Variants in TP53BP2 observed in about 807,000 individuals in gnomAD.
The protein encoded by TP53BP2 is apoptosis-stimulating of p53 protein 2.
TP53BP2 carries 62 observed loss-of-function variants against 126.2 expected under a neutral mutation model. That is an observed-to-expected ratio of 0.49 (90% CI 0.40 to 0.61). TP53BP2 has a LOEUF of 0.61. Among genes scored for constraint, TP53BP2 ranks in the 20% least tolerant of loss-of-function variants. TP53BP2 has a pLI of 0.00. For missense variants in TP53BP2, 1,215 were observed against 1,402.8 expected (o/e 0.87, Z 2.14); for synonymous variants, 485 against 502.9 (o/e 0.96, Z 0.48).
chr1:223,821,374 A>C lies in TP53BP2; in HGVS notation c.28-7T>G. The C allele has an allele frequency of 6.2e-7, 1 of 1,614,044 alleles. No individual in the cohort carries two copies. Among genetic ancestry groups the C allele is most frequent in the Non-Finnish European group, 8.5e-7 (1 of 1,179,876 alleles). On this transcript the variant is annotated splice_region_variant and splice_polypyrimidine_tract_variant and intron_variant, in intron 1 of 17. Transcript: ENST00000343537. ...GATACACGGTAAGAAACATCTAAAA[A>C]TTAAGAGAGAAACACATGGTTACTG...
At position 223,800,829 on chromosome 1, in the gene TP53BP2, G is replaced by A. The variant is rs770975973; in HGVS notation, c.1226-19C>T. The A allele has an allele frequency of 7.1e-5, 110 of 1,547,456 alleles. No homozygotes were observed. The highest frequency in any genetic ancestry group is 9.4e-5 in the Non-Finnish European group (106 of 1,131,896). On this transcript the variant is annotated intron_variant, in intron 9 of 17. Transcript: ENST00000343537. ...TTAGAGCCTAAAATACAGAAAAGCA[G>A]CTACAAATAACTCAGCATTCTAAAG...
chr1:223,806,049 G>A (rs2102857204), intron 5 of TP53BP2, among the ~76,000 whole-genome samples: 2 of 152,234 alleles, frequency 1.3e-5, no homozygotes, highest in Middle Eastern at 3.4e-3. Flanking sequence ...CTTGTTCAAG[G>A]CCAGGACTAG....
rs1662561162 is a variant in TP53BP2 at position 223,802,451 on chromosome 1, A to T, written c.997-107T>A. The T allele has an allele frequency of 4.3e-6, 5 of 1,163,342 alleles. No homozygotes were observed. In the Admixed American group the frequency reaches 1.3e-4, roughly 31 times the overall value. The allele number at this position is 1,163,342 out of a possible 1,614,324, so 72.1% of individuals were successfully genotyped here. Reference sequence around the variant, plus strand: ...TACTTTTTAAAATGAGCAGTTTCAGAATCTAGCCATAGAGTCTACAAAAAA... The same window carrying T: ...TACTTTTTAAAATGAGCAGTTTCAGTATCTAGCCATAGAGTCTACAAAAAA... On this transcript the variant is annotated intron_variant, in intron 8 of 17. Transcript: ENST00000343537.
intron 8 of TP53BP2, 107 bp downstream of exon 8, chr1:223,802,624 G>T: frequency 7.5e-7 from 1 of 1,337,970 alleles, no homozygotes; most frequent in African/African-American, 1.5e-5. Context: ...TCTGTTTTCT[G>T]AGGGCACACT....
intron 1 of TP53BP2, among the ~76,000 whole-genome samples, chr1:223,825,573 TGA>T (rs1162230483): frequency 2.0e-4 from 30 of 152,208 alleles, no homozygotes; most frequent in Admixed American, 1.8e-3. Context: ...TACTCTCAAA[TGA>T]GAGAGTGTGT....
intron 2 of TP53BP2, 140 bp downstream of exon 2, chr1:223,821,080 C>A: frequency 9.4e-7 from 1 of 1,061,358 alleles, no homozygotes; most frequent in Non-Finnish European, 1.4e-6. Flanking sequence ...AAAGCTGGAT[C>A]AGGAACACTA....
intron 1 of TP53BP2, among the ~76,000 whole-genome samples, chr1:223,837,922 C>T (rs142455532): frequency 0.012 from 1,853 of 151,994 alleles, 29 homozygotes; most frequent in Non-Finnish European, 0.016. Flanking sequence ...AGCCCTGCCC[C>T]GCCCCCGCCG....
At position 223,819,756 on chromosome 1, in the gene TP53BP2, A is replaced by G. The variant is rs537858573; in HGVS notation, c.175+1464T>C. Among the ~76,000 whole-genome samples the G allele has an allele frequency of 6.6e-5, 10 of 152,286 alleles. No individual in the cohort carries two copies. In the South Asian group the frequency reaches 2.1e-3, roughly 32 times the overall value. On this transcript the variant is annotated intron_variant, in intron 2 of 17. Transcript: ENST00000343537. ...CAATTATCTCAGTAAAGAATAAAGC[A>G]AGGTAATTTGCTAAATGCAAGGAGG...
chr1:223,813,086 G>A (rs1044720166), intron 3 of TP53BP2, among the ~76,000 whole-genome samples: 1 of 152,162 alleles, frequency 6.6e-6, no homozygotes, highest in African/African-American at 2.4e-5. Context: ...TGTGTCCCCA[G>A]TGTCTACTGC....
At position 223,790,036 on chromosome 1, in the gene TP53BP2, C is replaced by A. The variant is rs564474961; in HGVS notation, c.2997-862G>T. ...CAGTGGCTCCCAGCACTTTGGGAGG[C>A]CGAGGCGGGCAGATCACCTGAGGTC... On this transcript the variant is annotated intron_variant, in intron 15 of 17. Coordinates refer to ENST00000343537, the MANE Select transcript of TP53BP2 (RefSeq NM_001031685.3). 1.4e-4 allele frequency among the ~76,000 whole-genome samples: 22 copies of A among 152,002 alleles called. No individual in the cohort carries two copies. In the South Asian group the frequency reaches 4.6e-3, roughly 32 times the overall value.
chr1:223,814,400 ATAAATATATCATTCACCATC>A (rs1220538892), intron 2 of TP53BP2, 47 bp from the exon 3 acceptor site: 1 of 1,312,634 alleles, frequency 7.6e-7, no homozygotes, highest in Non-Finnish European at 1.1e-6. Flanking sequence ...TAAAAGAAAG[ATAAATATATCATTCACCATC>A]TATCCTTCAT....
chr1:223,829,321 T>C (rs1407010625), intron 1 of TP53BP2, among the ~76,000 whole-genome samples: 1 of 152,144 alleles, frequency 6.6e-6, no homozygotes, highest in South Asian at 2.1e-4. Flanking sequence ...GCTATATATA[T>C]ATTTTTATAT....
At chr1:223,788,878 T>A in intron 16 of TP53BP2, 130 bp downstream of exon 16, 1 of 883,448 alleles carries the variant, frequency 1.1e-6, no homozygotes, top group Non-Finnish European at 1.7e-6. Context: ...AAGGCTGTTG[T>A]ATTTTCAAGG....
chr1:223,786,073 A>G (rs1428191582), intron 16 of TP53BP2, among the ~76,000 whole-genome samples: 2 of 152,222 alleles, frequency 1.3e-5, no homozygotes, highest in African/African-American at 4.8e-5. Flanking sequence ...TAAACTGTGC[A>G]GTGAAAATAA....
chr1:223,806,884 G>T lies in TP53BP2; in HGVS notation c.436C>A (p.Gln146Lys). Residue 146 changes from glutamine to lysine, a missense_variant, in exon 5 of 18, where the codon CAA (glutamine) becomes AAA (lysine). By Grantham distance (53) the Gln-to-Lys change is moderately conservative (BLOSUM62 1). Around this residue, in one of 4 missense-constraint regions of TP53BP2, gnomAD observed 814 missense variants for 853.0 expected, o/e 0.95. Coordinates refer to ENST00000343537, the MANE Select transcript of TP53BP2 (RefSeq NM_001031685.3). ...AATTGTTGCTGGGCTTCAATCTGTT[G>T]CTGCTGGCGAGATGCCATTTCCTGA... ...ELQEMASRQQ[Q>K]QIEAQQQLLA... is the part of the protein sequence containing the mutation. 6.2e-7 allele frequency: 1 copy of T among 1,613,920 alleles called. No individual in the cohort carries two copies. The highest frequency in any genetic ancestry group is 1.3e-5 in the African/African-American group (1 of 74,986).
chr1:223,816,709 T>C (rs773871463), intron 2 of TP53BP2, among the ~76,000 whole-genome samples: 3 of 152,158 alleles, frequency 2.0e-5, no homozygotes, highest in Non-Finnish European at 4.4e-5. Flanking sequence ...TGAACTGATA[T>C]AACCTTTGCA....
At chr1:223,782,484 C>T (rs1431851195) in intron 17 of TP53BP2, among the ~76,000 whole-genome samples, 1 of 152,124 alleles carries the variant, frequency 6.6e-6, no homozygotes, top group Non-Finnish European at 1.5e-5. Flanking sequence ...TTTCTACTTT[C>T]CTCTGGTCAT....
At chr1:223,814,911 T>C (rs1663035601) in intron 2 of TP53BP2, among the ~76,000 whole-genome samples, 1 of 152,184 alleles carries the variant, frequency 6.6e-6, no homozygotes, top group African/African-American at 2.4e-5. Flanking sequence ...TATTTGCCCC[T>C]CTTCCAGTGA....
In TP53BP2 at chr1:223,810,149, A is replaced by T. The variant is rs1032978350; in HGVS notation, c.372+282T>A. On this transcript the variant is annotated intron_variant, in intron 4 of 17. Transcript: ENST00000343537. The stretch of plus-strand genomic sequence containing the variant: ...CCAATTTTGCATTTTTAATAAAGTG[A>T]TGATTGCAACAAATAAAATCACCAA... 1.1e-4 allele frequency among the ~76,000 whole-genome samples: 17 copies of T among 152,326 alleles called. 1 individual carries two copies. Among genetic ancestry groups the T allele is most frequent in the Admixed American group, 1.1e-3 (17 of 15,300 alleles).
Sources: allele counts gnomAD v4.1 joint callset (sites outside exome capture counted in the v4.1 genomes callset), GRCh38; gene constraint gnomAD v4.1.1; regional missense constraint gnomAD v4.1.1; transcripts MANE v1.5; gene names NCBI Gene and HGNC (gene_info 2026-07-23, HGNC 2026-07-21).